FMO4: variants seen among roughly 807,000 people sequenced by gnomAD.
The protein encoded by FMO4 is dimethylaniline monooxygenase [N-oxide-forming] 4.
Under a neutral mutation model 43.3 loss-of-function variants are expected in FMO4, and 38 were observed. The ratio of observed to expected loss-of-function variants is 0.88; its 90% CI spans 0.68 to 1.15. The LOEUF (loss-of-function observed/expected upper bound fraction) is 1.15, where lower values mean the gene tolerates loss of function less well. Among genes scored for constraint, FMO4 ranks in the 50% most tolerant of loss-of-function variants. FMO4 has a pLI of 0.00. For missense variants in FMO4, 631 were observed against 663.3 expected (o/e 0.95, Z 0.54); for synonymous variants, 224 against 232.2 (o/e 0.96, Z 0.32).
At chr1:171,324,676 T>C (rs2101886200) in intron 5 of FMO4, among the ~76,000 whole-genome samples, 1 of 152,154 alleles carries the variant, frequency 6.6e-6, no homozygotes, top group African/African-American at 2.4e-5. Flanking sequence ...AGTGAGAGTA[T>C]ATGATTTTTT....
intron 5 of FMO4, among the ~76,000 whole-genome samples, chr1:171,331,425 T>C (rs1662894381): frequency 6.6e-6 from 1 of 152,180 alleles, no homozygotes; most frequent in South Asian, 2.1e-4. Flanking sequence ...ATTTCCTATG[T>C]TTTTAACAAG....
intron 5 of FMO4, among the ~76,000 whole-genome samples, chr1:171,331,272 A>T (rs930541956): frequency 6.6e-6 from 1 of 152,232 alleles, no homozygotes; most frequent in Non-Finnish European, 1.5e-5. Flanking sequence ...CCACAGTTGG[A>T]TATAATACTT....
At position 171,337,434 on chromosome 1, in the gene FMO4, T is replaced by C; in HGVS notation, c.1250+9T>C. The C allele has an allele frequency of 1.9e-6, 3 of 1,594,408 alleles. No individual in the cohort carries two copies. The highest frequency in any genetic ancestry group is 2.2e-5 in the South Asian group (2 of 90,700). On this transcript the variant is annotated intron_variant, in intron 9 of 9. Transcript: ENST00000367749. ...GAACAGCTCATTAAAAGGTATGAAA[T>C]GTAGCTTGCTCTAGGGCAAACTTAC... is the stretch of plus-strand genomic sequence containing the variant.
At position 171,324,227 on chromosome 1, in the gene FMO4, A is replaced by G; in HGVS notation, c.411A>G (p.Arg137=). The G allele has an allele frequency of 6.2e-7, 1 of 1,613,762 alleles. No individual in the cohort carries two copies. Among genetic ancestry groups the G allele is most frequent in the Non-Finnish European group, 8.5e-7 (1 of 1,179,780 alleles). ...CAGAGACAGAGGGCAAGCAAAATAGAGCTGTCTTTGATGCTGTTATGGTTT... is the reference window on the plus strand; with the variant it reads ...CAGAGACAGAGGGCAAGCAAAATAGGGCTGTCTTTGATGCTGTTATGGTTT... The part of the protein sequence containing the change: ...VVTETEGKQN[R]AVFDAVMVCT... The change falls in exon 5 of 10, where the codon AGA becomes AGG. Residue 137 remains arginine (R), a synonymous_variant. Transcript: ENST00000367749.
In FMO4 at chr1:171,329,644, G is replaced by A. The variant is rs545926496; in HGVS notation, c.485-1996G>A. Among the ~76,000 whole-genome samples the A allele has an allele frequency of 2.0e-5, 3 of 152,342 alleles. No individual in the cohort carries two copies. In the South Asian group the frequency reaches 6.2e-4, roughly 32 times the overall value. ...ACCCCAAACATGAAGGTCTCGCTCAGAGTGGTCTCCTTGAAGCCCCTCACA... is the reference window on the plus strand; with the variant it reads ...ACCCCAAACATGAAGGTCTCGCTCAAAGTGGTCTCCTTGAAGCCCCTCACA... On this transcript the variant is annotated intron_variant, in intron 5 of 9. Transcript: ENST00000367749.
chr1:171,323,259 T>C (rs979473011), intron 4 of FMO4, 67 bp downstream of exon 4: 44 of 1,071,902 alleles, frequency 4.1e-5, no homozygotes, highest in African/African-American at 2.2e-4. Flanking sequence ...CTAATGAAAA[T>C]TGGATGTTTA....
chr1:171,318,976 T>A (rs899319845), intron 2 of FMO4, among the ~76,000 whole-genome samples: 1 of 152,162 alleles, frequency 6.6e-6, no homozygotes, highest in African/African-American at 2.4e-5. Context: ...CACAGTAGGA[T>A]CTAGAGGTGT....
At chr1:171,340,690 A>T (rs1663337855) in intron 9 of FMO4, among the ~76,000 whole-genome samples, 1 of 151,914 alleles carries the variant, frequency 6.6e-6, no homozygotes, top group African/African-American at 2.4e-5. Flanking sequence ...TTGGGGAGGG[A>T]TGAAGGGCGA....
rs141118786 is a variant in FMO4, at chr1:171,323,031, G to A, written c.160G>A (p.Val54Ile). 1 of 1,613,410 alleles carries A rather than the reference G, an allele frequency of 6.2e-7. No individual in the cohort carries two copies. The highest frequency in any genetic ancestry group is 8.5e-7 in the Non-Finnish European group (1 of 1,179,486). Reference protein sequence around the residue: ...TESSKDGMTRVYKSLVTNVCK... With the variant: ...TESSKDGMTRIYKSLVTNVCK... ...ATCTTCCAAAGATGGGATGACCAGGGTCTATAAGTCATTAGTGACAAATGT... is the reference window on the plus strand; with the variant it reads ...ATCTTCCAAAGATGGGATGACCAGGATCTATAAGTCATTAGTGACAAATGT... The change falls in exon 4 of 10, where the codon GTC becomes ATC. Residue 54 changes from valine (V) to isoleucine (I), a missense_variant. By Grantham distance (29) the Val-to-Ile change is conservative. Transcript: ENST00000367749.
intron 5 of FMO4, 47 bp from the exon 6 acceptor site, chr1:171,331,593 T>G (rs1662901076): frequency 1.3e-6 from 2 of 1,594,382 alleles, no homozygotes; most frequent in African/African-American, 2.7e-5. Flanking sequence ...TAGTGAGAAA[T>G]TATAACTTTA....
chr1:171,337,041 C>G (rs1025661806), intron 8 of FMO4, among the ~76,000 whole-genome samples: 1 of 151,630 alleles, frequency 6.6e-6, no homozygotes, highest in Admixed American at 6.6e-5. Flanking sequence ...ATTTATACAG[C>G]AAAAGCAGAT....
At chr1:171,320,663 C>T (rs999750236) in intron 3 of FMO4, among the ~76,000 whole-genome samples, 9 of 152,166 alleles carry the variant, frequency 5.9e-5, no homozygotes, top group Non-Finnish European at 1.3e-4. Context: ...CCAGTAGGGA[C>T]TGAGGGATCT....
rs1337423599 is a variant in FMO4 at position 171,341,557 on chromosome 1, A to G, written c.1395A>G (p.Pro465=). ...PRLAWEVFFG[P]CTPYQYRLMG... ...TAGCTTGGGAAGTTTTCTTTGGACC[A>G]TGTACTCCTTATCAGTACCGCCTCA... is the stretch of plus-strand genomic sequence containing the variant. Residue 465 remains proline (P), a synonymous_variant, in exon 10 of 10, where the codon CCA becomes CCG. Coordinates refer to ENST00000367749, the MANE Select transcript of FMO4 (RefSeq NM_002022.3). The G allele has an allele frequency of 3.1e-6, 5 of 1,613,952 alleles. No individual in the cohort carries two copies. Among genetic ancestry groups the G allele is most frequent in the Non-Finnish European group, 3.4e-6 (4 of 1,179,992 alleles).
intron 9 of FMO4, among the ~76,000 whole-genome samples, chr1:171,338,737 C>A (rs760398887): frequency 6.6e-6 from 1 of 152,170 alleles, no homozygotes; most frequent in Non-Finnish European, 1.5e-5. Context: ...TTCTATTTCT[C>A]AGAGTGCCCA....
rs1663036834 is a variant in FMO4 at position 171,334,591 on chromosome 1, T to C, written c.1008T>C (p.Phe336=). Residue 336 remains phenylalanine, a synonymous_variant, in exon 8 of 10, where the codon TTT becomes TTC. Coordinates refer to ENST00000367749, the MANE Select transcript of FMO4 (RefSeq NM_002022.3). ...CAGGATATACATTTTCTTTTCCATT[T>C]TTTGAAGAACCTCTTAAAAGCCTCT... The part of the protein sequence containing the change: ...FTTGYTFSFP[F]FEEPLKSLCT... 1.2e-6 allele frequency: 2 copies of C among 1,613,860 alleles called. No homozygotes were observed. The highest frequency in any genetic ancestry group is 2.7e-5 in the African/African-American group (2 of 74,932).
intron 3 of FMO4, 100 bp from the exon 4 acceptor site, chr1:171,322,904 T>C: frequency 3.8e-6 from 3 of 798,354 alleles, no homozygotes; most frequent in Non-Finnish European, 6.4e-6. Context: ...CATTAATTGC[T>C]ATAACCCGCC....
In FMO4 at chr1:171,323,154, G is replaced by A. The variant is rs1420791339; in HGVS notation, c.283G>A (p.Ala95Thr). ...EKFWDYLQEF[A>T]EHFDLLKYIQ... is the part of the protein sequence containing the mutation. ...ATTTTGGGACTATCTCCAAGAATTT[G>A]CTGAGCACTTTGACCTCCTGAAATA... is the stretch of plus-strand genomic sequence containing the variant. Residue 95 changes from alanine to threonine, a missense_variant, in exon 4 of 10, where the codon GCT (alanine) becomes ACT (threonine). Ala to Thr is a moderately conservative substitution (Grantham distance 58). Transcript: ENST00000367749. 1.2e-6 allele frequency: 2 copies of A among 1,613,614 alleles called. No individual in the cohort carries two copies. Among genetic ancestry groups the A allele is most frequent in the Non-Finnish European group, 1.7e-6 (2 of 1,179,762 alleles).
rs869107866 is a variant in FMO4, at chr1:171,325,817, CTTTTTTTTTTTTTTTTTTTTTTTTT to C, written c.484+1541_484+1565del. 1.1e-3 allele frequency among the ~76,000 whole-genome samples: 57 copies of C among 51,024 alleles called. 1 individual carries two copies. The highest frequency in any genetic ancestry group is 2.5e-3 in the African/African-American group (39 of 15,894). The allele number at this position is 51,024 out of a possible 152,430, so 33.5% of individuals were successfully genotyped here. On this transcript the variant is annotated intron_variant, in intron 5 of 9. Transcript: ENST00000367749. Reference sequence around the variant, plus strand: ...TAAATTCAGTTCCACATAGACTATCCTTTTTTTTTTTTTTTTTTTTTTTTTTTTTTTTTTTTTTTTTTTTTTTTGA... The same window carrying C: ...TAAATTCAGTTCCACATAGACTATCCTTTTTTTTTTTTTTTTTTTTTTTGA...
At chr1:171,316,061 G>C (rs1307083640) in intron 1 of FMO4, 125 bp from the exon 2 acceptor site, 1 of 152,142 alleles carries the variant, frequency 6.6e-6, no homozygotes, top group Admixed American at 6.5e-5. Context: ...CTTAGGACCT[G>C]CACTTAGAGG....
Sources: gnomAD v4.1 joint callset for allele counts (sites outside exome capture counted in the v4.1 genomes callset) on GRCh38, gnomAD v4.1.1 for gene constraint, MANE v1.5 for transcripts, NCBI Gene and HGNC (gene_info 2026-07-23, HGNC 2026-07-21) for gene names.